The following NRG1 variants were observed in gnomAD, a reference collection of about 807,000 sequenced individuals.
NRG1 encodes the protein neuregulin 1.
A neutral mutation model predicts 63.8 loss-of-function variants in NRG1; 18 were observed. That is an observed-to-expected ratio of 0.28 (90% confidence interval 0.19 to 0.42). The LOEUF is 0.42. Ranked by LOEUF, NRG1 falls within the 10% of genes least tolerant of loss-of-function variation. The probability of loss-of-function intolerance (pLI) is 1.00; values close to 1 mark genes in which losing one functional copy is unlikely to be tolerated. For synonymous variants in NRG1, 302 were observed against 301.3 expected, an observed-to-expected ratio of 1.00 and a Z score of -0.02; for missense variants, 762 against 814.7, an observed-to-expected ratio of 0.94 and a Z score of 0.79.
chr8:32,188,476 A>T (rs1165119091), intron 1 of NRG1, among the ~76,000 whole-genome samples: 1 of 152,190 alleles, frequency 6.6e-6, no homozygotes, highest in Non-Finnish European at 1.5e-5. Flanking sequence ...AACCTGTGAG[A>T]ATATGCTACA....
intron 1 of NRG1, among the ~76,000 whole-genome samples, chr8:31,748,090 A>G (rs1273447676): frequency 6.6e-6 from 1 of 151,918 alleles, no homozygotes; most frequent in African/African-American, 2.4e-5. Context: ...TTCTTCTACC[A>G]TATTGTAATA....
chr8:31,976,373 A>G (rs553242948), intron 1 of NRG1, among the ~76,000 whole-genome samples: 14 of 152,244 alleles, frequency 9.2e-5, no homozygotes, highest in African/African-American at 1.7e-4. Flanking sequence ...TACTGTCTAC[A>G]TATCTTGATT....
At chr8:32,438,445 G>T (rs1376680671) in intron 1 of NRG1, among the ~76,000 whole-genome samples, 1 of 151,974 alleles carries the variant, frequency 6.6e-6, no homozygotes, top group Non-Finnish European at 1.5e-5. Flanking sequence ...AAGATACTTG[G>T]GTTGTTTCTA....
chr8:32,213,105 A>G (rs573598216), intron 1 of NRG1, among the ~76,000 whole-genome samples: 1 of 152,246 alleles, frequency 6.6e-6, no homozygotes, highest in South Asian at 2.1e-4. Flanking sequence ...GACAATTTTG[A>G]ACTCACTGGT....
chr8:32,267,379 C>T (rs1020565426), intron 1 of NRG1, among the ~76,000 whole-genome samples: 2 of 152,154 alleles, frequency 1.3e-5, no homozygotes, highest in African/African-American at 4.8e-5. Context: ...GAAGATAAGG[C>T]AGTTGGCACA....
At position 32,115,767 on chromosome 8, in the gene NRG1, A is replaced by C. The variant is rs1563804136; in HGVS notation, c.37+476336A>C. On this transcript the variant is annotated intron_variant, in intron 1 of 10. Coordinates refer to the NRG1 transcript ENST00000519301. ...GGATACTACTATTGTCCTCATTTCCAGCTGAGAAAACAGATAGAGAAGGCA... is the reference window on the plus strand; with the variant it reads ...GGATACTACTATTGTCCTCATTTCCCGCTGAGAAAACAGATAGAGAAGGCA... 2.0e-5 allele frequency among the ~76,000 whole-genome samples: 3 copies of C among 152,170 alleles called. 1 individual carries two copies. Among genetic ancestry groups the C allele is most frequent in the African/African-American group, 7.2e-5 (3 of 41,450 alleles).
chr8:32,695,017 C>G (rs1285907866), intron 5 of NRG1, among the ~76,000 whole-genome samples: 1 of 152,094 alleles, frequency 6.6e-6, no homozygotes, highest in Non-Finnish European at 1.5e-5. Context: ...GCACACTGAT[C>G]AATCTTGAGA....
intron 1 of NRG1, among the ~76,000 whole-genome samples, chr8:32,342,013 G>T (rs757148195): frequency 6.6e-6 from 1 of 152,018 alleles, no homozygotes; most frequent in Non-Finnish European, 1.5e-5. Context: ...GTCATTATGT[G>T]AATTCTTGCT....
chr8:32,633,845 G>T (rs547313475), intron 5 of NRG1, among the ~76,000 whole-genome samples: 4 of 151,944 alleles, frequency 2.6e-5, no homozygotes, highest in Non-Finnish European at 5.9e-5. Flanking sequence ...GTTGCTTAAG[G>T]CCGGGAGCAG....
At chr8:32,484,623 T>C (rs1825701213) in intron 1 of NRG1, among the ~76,000 whole-genome samples, 1 of 152,098 alleles carries the variant, frequency 6.6e-6, no homozygotes, top group South Asian at 2.1e-4. Context: ...TCTCCTACTG[T>C]AGACTTAGAT....
At position 32,695,597 on chromosome 8, in the gene NRG1, A is replaced by C. The variant is rs367709268; in HGVS notation, c.503-32352A>C. 3.9e-5 allele frequency among the ~76,000 whole-genome samples: 6 copies of C among 152,218 alleles called. No individual in the cohort carries two copies. The East Asian group carries it at 1.2e-3, about 29-fold the overall frequency. On this transcript the variant is annotated intron_variant, in intron 5 of 11. Transcript: ENST00000356819. ...ACTGTTCTCTGTTGGATTACAAAGC[A>C]GAATTCTGAAAAGCACACGTTGTTT...
At chr8:32,237,334 T>G (rs1847668092) in intron 1 of NRG1, among the ~76,000 whole-genome samples, 2 of 152,206 alleles carry the variant, frequency 1.3e-5, no homozygotes, top group South Asian at 4.1e-4. Context: ...TGAGTTTTTG[T>G]GTTAGCCCTG....
At chr8:32,553,682 C>T (rs1486116651) in intron 1 of NRG1, among the ~76,000 whole-genome samples, 1 of 152,110 alleles carries the variant, frequency 6.6e-6, no homozygotes, top group Non-Finnish European at 1.5e-5. Context: ...AATACATAAT[C>T]TTCTCTTTTG....
chr8:32,013,866 A>C (rs1815112945), intron 1 of NRG1, among the ~76,000 whole-genome samples: 1 of 152,144 alleles, frequency 6.6e-6, no homozygotes, highest in Non-Finnish European at 1.5e-5. Context: ...CACCAGTGCC[A>C]CACAGAAGGT....
chr8:32,771,724 A>G (rs1831818991), downstream of NRG1, among the ~76,000 whole-genome samples: 1 of 126,976 alleles, frequency 7.9e-6, no homozygotes, highest in African/African-American at 2.8e-5. Flanking sequence ...AAATATATAT[A>G]TATATATATA....
intron 1 of NRG1, among the ~76,000 whole-genome samples, chr8:32,541,504 C>G (rs1482256326): frequency 1.1e-5 from 1 of 91,312 alleles, no homozygotes; most frequent in East Asian, 4.2e-4. Flanking sequence ...ATGGAACATA[C>G]AGGAAAAAAA....
At chr8:31,959,487 T>A (rs1445302793) in intron 1 of NRG1, among the ~76,000 whole-genome samples, 1 of 151,952 alleles carries the variant, frequency 6.6e-6, no homozygotes, top group Non-Finnish European at 1.5e-5. Context: ...CAATTTGTCA[T>A]CATCATGCTG....
chr8:31,893,016 C>T (rs1476289756), intron 1 of NRG1, among the ~76,000 whole-genome samples: 5 of 151,656 alleles, frequency 3.3e-5, no homozygotes. Flanking sequence ...CTTAAATGAG[C>T]TTTATGCTGA....
intron 1 of NRG1, among the ~76,000 whole-genome samples, chr8:32,408,912 C>T (rs1814492314): frequency 6.6e-6 from 1 of 152,038 alleles, no homozygotes; most frequent in South Asian, 2.1e-4. Flanking sequence ...TTCTGAGTCT[C>T]CAATGTCTAT....
Sources: gnomAD v4.1 joint callset for allele counts (sites outside exome capture counted in the v4.1 genomes callset) on GRCh38, gnomAD v4.1.1 for gene constraint, MANE v1.5 for transcripts, NCBI Gene and HGNC (gene_info 2026-07-23, HGNC 2026-07-21) for gene names.